The following DCAF8L2 variants were observed in gnomAD, a reference collection of about 807,000 sequenced individuals.
DCAF8L2 encodes DDB1 and CUL4 associated factor 8 like 2.
For synonymous variants in DCAF8L2, 200 were observed against 190.9 expected, an observed-to-expected ratio of 1.05 and a Z score of -0.39; for missense variants, 430 against 490.7, an observed-to-expected ratio of 0.88 and a Z score of 1.17.
At chrX:27,699,507 G>T (rs369410205) in intron 3 of DCAF8L2, among the ~76,000 whole-genome samples, 11 of 111,549 alleles carry the variant, frequency 9.9e-5, no homozygotes, top group African/African-American at 3.6e-4. Flanking sequence ...GATATGACTT[G>T]GTTTCCATGG....
intron 4 of DCAF8L2, among the ~76,000 whole-genome samples, chrX:27,733,787 T>A (rs939991146): frequency 8.9e-6 from 1 of 111,737 alleles, no homozygotes; most frequent in Non-Finnish European, 1.9e-5. Context: ...GAAGAAAATA[T>A]CCTTTCCCCA....
chrX:27,727,741 G>T (rs5926489), intron 4 of DCAF8L2, among the ~76,000 whole-genome samples: 31,694 of 110,474 alleles, frequency 0.29, 3,914 homozygotes, highest in Middle Eastern at 0.43. Context: ...TCAATTTTGG[G>T]AAAATTGGCA....
chrX:27,534,956 TTTTGTGTTCCTATAC>T, the DCAF8L2 span, among the ~76,000 whole-genome samples: 1 of 112,127 alleles, frequency 8.9e-6, no homozygotes, highest in Non-Finnish European at 1.9e-5. Context: ...CAATTGCTTC[TTTTGTGTTCCTATAC>T]TTATTGATTA....
the DCAF8L2 span, among the ~76,000 whole-genome samples, chrX:27,474,442 A>C: frequency 8.1e-5 from 9 of 111,415 alleles, no homozygotes; most frequent in African/African-American, 2.9e-4. Context: ...TAGGAGCCCA[A>C]ACACAAAAAT....
At chrX:27,495,508 G>A in the DCAF8L2 span, among the ~76,000 whole-genome samples, 5 of 111,779 alleles carry the variant, frequency 4.5e-5, no homozygotes, top group Admixed American at 9.5e-5. Context: ...TGTTGGCATC[G>A]TCACGATATT....
At chrX:27,589,431 C>G (rs762046807), upstream of DCAF8L2, among the ~76,000 whole-genome samples, 1 of 111,850 alleles carries the variant, frequency 8.9e-6, no homozygotes, top group Non-Finnish European at 1.9e-5. Flanking sequence ...TAGGCCCAGC[C>G]TTGGATATGG....
At chrX:27,623,417 G>GA (rs909961650) in intron 1 of DCAF8L2, among the ~76,000 whole-genome samples, 7 of 109,792 alleles carry the variant, frequency 6.4e-5, no homozygotes, top group Non-Finnish European at 1.3e-4. Context: ...TGCATAAATG[G>GA]AAAAAAAACT....
chrX:27,492,997 T>G, the DCAF8L2 span, among the ~76,000 whole-genome samples: 2 of 111,425 alleles, frequency 1.8e-5, no homozygotes, highest in Non-Finnish European at 3.8e-5. Flanking sequence ...TTTGGAAAGC[T>G]GAGGTGGGAG....
rs1425202788 is a variant in DCAF8L2, at chrX:27,716,078, A to G, written c.-142-10A>G. 8.9e-6 allele frequency: 1 copy of G among 112,321 alleles called. No individual in the cohort carries two copies. The highest frequency in any genetic ancestry group is 1.9e-5 in the Non-Finnish European group (1 of 53,314). The allele number at this position is 112,321 out of a possible 1,213,427, so 9.3% of individuals were successfully genotyped here. On this transcript the variant is annotated splice_polypyrimidine_tract_variant and intron_variant, in intron 3 of 4. Transcript: ENST00000451261. ...GACTTGCACTAAAACAATTTATTTT[A>G]TCCTGTTAGGAAGCTGCACTGTTGC...
the DCAF8L2 span, among the ~76,000 whole-genome samples, chrX:27,564,824 T>A: frequency 9.1e-6 from 1 of 109,738 alleles, no homozygotes; most frequent in African/African-American, 3.3e-5. Context: ...TCTTCAATCC[T>A]GGAAAACCCT....
chrX:27,704,609 G>T (rs189547340), intron 3 of DCAF8L2, among the ~76,000 whole-genome samples: 1,127 of 110,145 alleles, frequency 0.01, 16 homozygotes, highest in African/African-American at 0.033. Flanking sequence ...AAGGATTATA[G>T]TTGAGTATTT....
chrX:27,500,335 A>C, the DCAF8L2 span, among the ~76,000 whole-genome samples: 2 of 112,228 alleles, frequency 1.8e-5, no homozygotes, highest in African/African-American at 6.5e-5. Flanking sequence ...ATTGGTAAAA[A>C]TAGGAAAGAT....
At chrX:27,611,786 T>C (rs1927195145) in intron 1 of DCAF8L2, among the ~76,000 whole-genome samples, 1 of 111,321 alleles carries the variant, frequency 9.0e-6, no homozygotes, top group East Asian at 2.8e-4. Context: ...TCCTTTTTTA[T>C]GGCTGCATAG....
upstream of DCAF8L2, among the ~76,000 whole-genome samples, chrX:27,586,898 C>A (rs953419843): frequency 2.7e-5 from 3 of 111,101 alleles, no homozygotes; most frequent in African/African-American, 6.5e-5. Context: ...CTGGACATGA[C>A]ATTCAAACTT....
At chrX:27,615,074 T>TGATGCTA (rs1189238051) in intron 1 of DCAF8L2, among the ~76,000 whole-genome samples, 1 of 108,257 alleles carries the variant, frequency 9.2e-6, no homozygotes, top group Admixed American at 1.0e-4. Flanking sequence ...CTAGATCCAA[T>TGATGCTA]GATGCTAGAG....
intron 1 of DCAF8L2, among the ~76,000 whole-genome samples, chrX:27,610,900 C>A (rs975846974): frequency 8.9e-6 from 1 of 112,293 alleles, no homozygotes; most frequent in Non-Finnish European, 1.9e-5. Context: ...CAGATTAATA[C>A]GGCCTCTAGT....
intron 2 of DCAF8L2, among the ~76,000 whole-genome samples, chrX:27,662,475 A>G (rs889769916): frequency 7.2e-5 from 8 of 111,805 alleles, no homozygotes; most frequent in African/African-American, 2.6e-4. Context: ...GAGAGATAAC[A>G]TTATCCACTT....
the DCAF8L2 span, among the ~76,000 whole-genome samples, chrX:27,546,103 A>G: frequency 6.2e-4 from 70 of 112,274 alleles, no homozygotes; most frequent in Admixed American, 4.7e-4. Flanking sequence ...CTTCATAGAT[A>G]TAATGTGGAT....
Position 27,747,736 on chromosome X carries a change from C to A in DCAF8L2, c.841C>A (p.Pro281Thr). 1.7e-6 allele frequency: 2 copies of A among 1,211,322 alleles called. No homozygotes were observed. The highest frequency in any genetic ancestry group is 2.2e-6 in the Non-Finnish European group (2 of 895,095). Residue 281 changes from proline (P) to threonine (T), a missense_variant, in exon 5 of 5, where the codon CCT (proline) becomes ACT (threonine). Physicochemically the swap from Pro to Thr is conservative, Grantham distance 38. Coordinates refer to ENST00000451261, the MANE Select transcript of DCAF8L2 (RefSeq NM_001353450.2). The stretch of plus-strand genomic sequence containing the variant: ...TAATGTCTTCCAGGCCAAGTTCCTT[C>A]CTAACTGTGGTGATTCCACTCTGGC... ...TNNVFQAKFL[P>T]NCGDSTLAMC...
Sources: gnomAD v4.1 joint callset for allele counts (sites outside exome capture counted in the v4.1 genomes callset) on GRCh38, gnomAD v4.1.1 for gene constraint, MANE v1.5 for transcripts, NCBI Gene and HGNC (gene_info 2026-07-23, HGNC 2026-07-21) for gene names.